The following ELAVL2 variants were observed in gnomAD, a reference collection of about 807,000 sequenced individuals.
The protein encoded by ELAVL2 is ELAV like RNA binding protein 2, also known as ELAV-like protein 2.
A neutral mutation model predicts 34.6 loss-of-function variants in ELAVL2; 4 were observed. That is an observed-to-expected ratio of 0.12 (90% CI 0.06 to 0.26). The LOEUF is 0.26. ELAVL2 is among the 10% of genes least tolerant of loss of function. The pLI, the probability that ELAVL2 is intolerant of heterozygous loss-of-function variation, is 1.00. For synonymous variants in ELAVL2, 193 were observed against 154.8 expected, an observed-to-expected ratio of 1.25 and a Z score of -1.83; for missense variants, 432 against 442.8, an observed-to-expected ratio of 0.98 and a Z score of 0.22.
At chr9:23,806,796 G>A (rs1305682068) in intron 1 of ELAVL2, among the ~76,000 whole-genome samples, 1 of 152,086 alleles carries the variant, frequency 6.6e-6, no homozygotes, top group Non-Finnish European at 1.5e-5. Context: ...CAAAGGCAAT[G>A]GGAAGTTGTT....
intron 1 of ELAVL2, among the ~76,000 whole-genome samples, chr9:23,779,586 T>G (rs955006494): frequency 1.3e-5 from 2 of 152,076 alleles, no homozygotes; most frequent in Non-Finnish European, 2.9e-5. Context: ...CTAGGTGCAT[T>G]TGACAATATC....
At chr9:23,779,234 T>G (rs1468800259) in intron 1 of ELAVL2, 1 of 985,396 alleles carries the variant, frequency 1.0e-6, no homozygotes, top group South Asian at 4.7e-5. Context: ...TAAGAGGTCT[T>G]ACTTCACACT....
chr9:23,729,669 G>A (rs1419521173), intron 3 of ELAVL2, among the ~76,000 whole-genome samples: 1 of 151,836 alleles, frequency 6.6e-6, no homozygotes, highest in African/African-American at 2.4e-5. Context: ...GAAGTATCTA[G>A]AATTCTTGGA....
At chr9:23,752,969 A>C (rs2052531148) in intron 2 of ELAVL2, among the ~76,000 whole-genome samples, 1 of 152,192 alleles carries the variant, frequency 6.6e-6, no homozygotes, top group East Asian at 1.9e-4. Context: ...TAGAGCAGCA[A>C]ATGCTACTCT....
the ELAVL2 span, among the ~76,000 whole-genome samples, chr9:23,836,112 C>A: frequency 8.0e-3 from 1,221 of 152,282 alleles, 16 homozygotes; most frequent in African/African-American, 0.028. Flanking sequence ...AAATCCATTT[C>A]TCTGATGGAG....
intron 1 of ELAVL2, among the ~76,000 whole-genome samples, chr9:23,762,461 C>T (rs2055257754): frequency 6.6e-6 from 1 of 152,010 alleles, no homozygotes; most frequent in Admixed American, 6.6e-5. Context: ...ATACATATTC[C>T]ATACATGCAT....
intron 2 of ELAVL2, among the ~76,000 whole-genome samples, chr9:23,759,754 T>TTATATATATATATATATATATATATA (rs774471922): frequency 8.6e-5 from 7 of 81,348 alleles, no homozygotes; most frequent in Non-Finnish European, 1.3e-4. Context: ...ATATATAGTA[T>TTATATATATATATATATATATATATA]TATATATATA....
At chr9:23,695,172 A>AT (rs1490785693) in intron 5 of ELAVL2, among the ~76,000 whole-genome samples, 3 of 152,228 alleles carry the variant, frequency 2.0e-5, no homozygotes, top group African/African-American at 7.2e-5. Flanking sequence ...AGACAAACAC[A>AT]TATTAGCACC....
At chr9:23,783,869 G>A (rs940662696) in intron 1 of ELAVL2, among the ~76,000 whole-genome samples, 3 of 152,100 alleles carry the variant, frequency 2.0e-5, no homozygotes, top group Non-Finnish European at 2.9e-5. Context: ...CAAATAAAGG[G>A]CAAAGTACAC....
chr9:23,842,363 A>G, the ELAVL2 span, among the ~76,000 whole-genome samples: 1 of 152,164 alleles, frequency 6.6e-6, no homozygotes, highest in African/African-American at 2.4e-5. Context: ...AGGCCACCCT[A>G]GAGGACTGGA....
chr9:23,745,586 G>C (rs577719568), intron 2 of ELAVL2, among the ~76,000 whole-genome samples: 3 of 152,114 alleles, frequency 2.0e-5, no homozygotes, highest in African/African-American at 7.2e-5. Flanking sequence ...AACTAGACTT[G>C]CATCTTTTCA....
chr9:23,779,347 G>A lies in ELAVL2; in HGVS notation c.-15-17098C>T, dbSNP rs908482644. ...AACAAAGGCAATTCCAGGGCCTGCA[G>A]AAAGTCTTCAAAGGCAAGGGAAGAA... On this transcript the variant is annotated intron_variant, in intron 1 of 6. Coordinates refer to ENST00000397312, the MANE Select transcript of ELAVL2 (RefSeq NM_004432.5). 4.1e-6 allele frequency: 4 copies of A among 985,314 alleles called. No homozygotes were observed. The South Asian group carries it at 1.9e-4, about 46-fold the overall frequency. 61.0% of individuals were successfully genotyped at this position (985,314 alleles called of 1,614,324 possible).
chr9:23,772,554 A>C (rs2057487310), intron 1 of ELAVL2, among the ~76,000 whole-genome samples: 1 of 151,072 alleles, frequency 6.6e-6, no homozygotes, highest in South Asian at 2.1e-4. Flanking sequence ...AAAAAAAAAA[A>C]AAAGGCATCT....
chr9:23,757,055 C>G (rs940950460), intron 2 of ELAVL2, among the ~76,000 whole-genome samples: 2 of 152,054 alleles, frequency 1.3e-5, no homozygotes, highest in Admixed American at 1.3e-4. Context: ...CCAAAACTCC[C>G]TTAGGTGAGT....
intron 1 of ELAVL2, among the ~76,000 whole-genome samples, chr9:23,787,572 CA>C (rs934924961): frequency 1.6e-5 from 2 of 125,934 alleles, no homozygotes; most frequent in African/African-American, 3.1e-5. Flanking sequence ...CTTAAAAAAA[CA>C]AAAAAAAAAG....
Position 23,779,023 on chromosome 9 carries a change from A to C in ELAVL2, c.-15-16774T>G, listed in dbSNP as rs1280773228. Among the ~76,000 whole-genome samples, 3 of 152,224 alleles carry C rather than the reference A, an allele frequency of 2.0e-5. No homozygotes were observed. The East Asian group carries it at 5.8e-4, about 29-fold the overall frequency. On this transcript the variant is annotated intron_variant, in intron 1 of 6. Coordinates refer to ENST00000397312, the MANE Select transcript of ELAVL2 (RefSeq NM_004432.5). ...GCTATGAGAAAGAAGAGGAGGGGCC[A>C]ATGAAGTGCTTTATCCCCAGGATGA...
At chr9:23,730,855 T>C (rs991189827) in intron 3 of ELAVL2, among the ~76,000 whole-genome samples, 167 bp downstream of exon 3, 1 of 152,126 alleles carries the variant, frequency 6.6e-6, no homozygotes, top group Non-Finnish European at 1.5e-5. Context: ...CATAGCACTC[T>C]TGAACAAACA....
chr9:23,746,432 G>A lies in ELAVL2; in HGVS notation c.230-15307C>T, dbSNP rs558466698. Among the ~76,000 whole-genome samples the A allele has an allele frequency of 3.3e-5, 5 of 152,266 alleles. No individual in the cohort carries two copies. In the South Asian group the frequency reaches 6.2e-4, roughly 19 times the overall value. ...ACTGGCACAAAGAAACACACTGGAA[G>A]AGTCACAGAGCGTTTTCAGAATGAG... On this transcript the variant is annotated intron_variant, in intron 2 of 6. Transcript: ENST00000397312.
chr9:23,828,949 T>A (rs762791946), upstream of ELAVL2, among the ~76,000 whole-genome samples: 18 of 152,192 alleles, frequency 1.2e-4, no homozygotes, highest in Non-Finnish European at 2.4e-4. Context: ...ATACATACTA[T>A]CCTATGATTA....
Sources: allele counts gnomAD v4.1 joint callset (sites outside exome capture counted in the v4.1 genomes callset), GRCh38; gene constraint gnomAD v4.1.1; transcripts MANE v1.5; gene names NCBI Gene and HGNC (gene_info 2026-07-23, HGNC 2026-07-21).